The following NPHS2 variants were observed in gnomAD, a reference collection of about 807,000 sequenced individuals.
NPHS2 encodes the protein podocin.
A neutral mutation model predicts 37.1 loss-of-function variants in NPHS2; 36 were observed. The observed-to-expected ratio is 0.97, with a 90% CI of 0.74 to 1.28. The LOEUF (loss-of-function observed/expected upper bound fraction) is 1.28. Ranked by LOEUF, NPHS2 falls within the 50% of genes most tolerant of loss-of-function variation. The pLI is 0.00. For missense variants in NPHS2, 447 were observed against 488.1 expected (o/e 0.92, Z 0.79); for synonymous variants, 196 against 189.3 (o/e 1.04, Z -0.29).
chr1:179,555,690 C>T (rs186762633), intron 5 of NPHS2, among the ~76,000 whole-genome samples: 28 of 152,280 alleles, frequency 1.8e-4, no homozygotes, highest in Admixed American at 1.8e-3. Flanking sequence ...GCAGAAGATA[C>T]AGCCCAAGAG....
intron 3 of NPHS2, among the ~76,000 whole-genome samples, chr1:179,560,274 A>C (rs887740262): frequency 1.3e-5 from 2 of 152,196 alleles, no homozygotes; most frequent in African/African-American, 4.8e-5. Flanking sequence ...TTGGCTAGTT[A>C]GTCCTCACCC....
chr1:179,575,595 C>T lies in NPHS2; in HGVS notation c.270G>A (p.Glu90=), dbSNP rs1674727819. The T allele has an allele frequency of 6.2e-7, 1 of 1,601,536 alleles. No individual in the cohort carries two copies. The highest frequency in any genetic ancestry group is 1.1e-5 in the South Asian group (1 of 91,060). Residue 90 remains glutamate (E), a synonymous_variant, in exon 1 of 8, where the codon GAG becomes GAA. Transcript: ENST00000367615. ...VVALLESERP[E]EGTKSSGLGA... is the part of the protein sequence containing the mutation. ...ATAGTGGTGCTGAATCCGTACCTTC[C>T]TCGGGCCGCTCGCTCTCCAACAGCG... is the stretch of plus-strand genomic sequence containing the variant.
At chr1:179,551,694 A>G in intron 7 of NPHS2, 1 of 516,860 alleles carries the variant, frequency 1.9e-6, no homozygotes, top group Non-Finnish European at 3.5e-6. Context: ...GTATTAGGGG[A>G]GTTATTAGCA....
At chr1:179,554,379 G>T in intron 6 of NPHS2, 97 bp downstream of exon 6, 1 of 1,413,850 alleles carries the variant, frequency 7.1e-7, no homozygotes, top group Non-Finnish European at 1.0e-6. Context: ...TATGGCTATA[G>T]TACTCAGTGA....
Position 179,575,848 on chromosome 1 carries a change from C to G in NPHS2, c.17G>C (p.Arg6Pro). The G allele has an allele frequency of 7.0e-7, 1 of 1,427,140 alleles. No homozygotes were observed. The highest frequency in any genetic ancestry group is 1.9e-4 in the Middle Eastern group (1 of 5,178). The allele number at this position is 1,427,140 out of a possible 1,614,324, so 88.4% of individuals were successfully genotyped here. The part of the protein sequence containing the change: MERRA[R>P]SSSRESRGRG... ...CCCGCGGGACTCCCTGGAGGAGCTC[C>G]GCGCCCTCCTCTCCATCCTCAGAGC... is the stretch of plus-strand genomic sequence containing the variant. The change falls in exon 1 of 8, where the codon CGG becomes CCG. Residue 6 changes from arginine to proline, a missense_variant. Transcript: ENST00000367615.
intron 1 of NPHS2, among the ~76,000 whole-genome samples, chr1:179,569,926 G>C (rs1674487458): frequency 1.3e-5 from 2 of 152,178 alleles, no homozygotes; most frequent in Admixed American, 6.5e-5. Flanking sequence ...TTAGTCTAAT[G>C]GGCTTCCTTT....
Position 179,564,789 on chromosome 1 carries a change from G to T in NPHS2, c.279C>A (p.Thr93=). 6.2e-7 allele frequency: 1 copy of T among 1,613,118 alleles called. No homozygotes were observed. Among genetic ancestry groups the T allele is most frequent in the African/African-American group, 1.3e-5 (1 of 75,002 alleles). ...CACAGGCCCCTAAGCCGGAGGATTTGGTACCTTAAAAAAATTAAAGCAAAA... is the reference window on the plus strand; with the variant it reads ...CACAGGCCCCTAAGCCGGAGGATTTTGTACCTTAAAAAAATTAAAGCAAAA... ...LLESERPEEG[T]KSSGLGACEW... Residue 93 remains threonine (T), a synonymous_variant, in exon 2 of 8, where the codon ACC becomes ACA. Transcript: ENST00000367615.
rs1376724226 is a variant in NPHS2 at position 179,564,790 on chromosome 1, G to A, written c.278C>T (p.Thr93Ile). ...LLESERPEEG[T>I]KSSGLGACEW... ...ACAGGCCCCTAAGCCGGAGGATTTGGTACCTTAAAAAAATTAAAGCAAAAG... is the reference window on the plus strand; with the variant it reads ...ACAGGCCCCTAAGCCGGAGGATTTGATACCTTAAAAAAATTAAAGCAAAAG... The change falls in exon 2 of 8, where the codon ACC becomes ATC. Residue 93 changes from threonine (T) to isoleucine (I), a missense_variant. Physicochemically the swap from Thr to Ile is moderately conservative, Grantham distance 89 (BLOSUM62 -1). Coordinates refer to ENST00000367615, the MANE Select transcript of NPHS2 (RefSeq NM_014625.4). The A allele has an allele frequency of 1.2e-6, 2 of 1,612,880 alleles. No homozygotes were observed. The highest frequency in any genetic ancestry group is 1.7e-6 in the Non-Finnish European group (2 of 1,179,044).
intron 1 of NPHS2, among the ~76,000 whole-genome samples, chr1:179,565,102 C>A (rs1234527047): frequency 6.6e-6 from 1 of 151,652 alleles, no homozygotes; most frequent in Non-Finnish European, 1.5e-5. Context: ...GAGATCCTGT[C>A]TGTACAAAAA....
chr1:179,558,567 C>A (rs1391094722), intron 4 of NPHS2, among the ~76,000 whole-genome samples: 1 of 152,052 alleles, frequency 6.6e-6, no homozygotes, highest in African/African-American at 2.4e-5. Context: ...TTCTTTAAGA[C>A]CCTACTTTCA....
intron 1 of NPHS2, among the ~76,000 whole-genome samples, chr1:179,569,353 T>A (rs548605506): frequency 3.8e-4 from 57 of 151,308 alleles, no homozygotes; most frequent in Non-Finnish European, 7.5e-4. Flanking sequence ...TATCAGAGAC[T>A]AGGATTGCAA....
At position 179,575,763 on chromosome 1, in the gene NPHS2, T is replaced by C. The variant is rs1079292; in HGVS notation, c.102A>G (p.Gly34=). Residue 34 remains glycine, a synonymous_variant, in exon 1 of 8, where the codon GGA becomes GGG. Coordinates refer to ENST00000367615, the MANE Select transcript of NPHS2 (RefSeq NM_014625.4). ...NKRAKAERSG[G]GRGRQEAGPE... is the part of the protein sequence containing the mutation. ...GCCCAGCCTCCTGGCGCCCGCGGCCTCCGCCGCTCCTCTCGGCCTTTGCCC... is the reference window on the plus strand; with the variant it reads ...GCCCAGCCTCCTGGCGCCCGCGGCCCCCGCCGCTCCTCTCGGCCTTTGCCC... 1,471,105 of 1,496,666 alleles carry C rather than the reference T, an allele frequency of 0.98. 723,969 individuals carry two copies. Among genetic ancestry groups the C allele is most frequent in the Non-Finnish European group, 0.99 (1,122,591 of 1,129,186 alleles). 92.7% of individuals were successfully genotyped at this position (1,496,666 alleles called of 1,614,324 possible). A position where few individuals can be genotyped will look rare whatever the true frequency, so the allele number is the denominator to read the frequency against.
chr1:179,561,233 G>A (rs1160157768), intron 3 of NPHS2, 56 bp downstream of exon 3: 1 of 1,233,594 alleles, frequency 8.1e-7, no homozygotes, highest in Non-Finnish European at 1.2e-6. Context: ...TGCATGGGTT[G>A]AAGAAATTGG....
At chr1:179,552,283 A>G in intron 7 of NPHS2, 1 of 411,022 alleles carries the variant, frequency 2.4e-6, no homozygotes, top group Non-Finnish European at 4.6e-6. Flanking sequence ...TAGGGTGACT[A>G]CGATTACCCA....
intron 4 of NPHS2, 52 bp from the exon 5 acceptor site, chr1:179,557,282 A>G (rs1446016323): frequency 6.9e-7 from 1 of 1,453,192 alleles, no homozygotes; most frequent in Non-Finnish European, 9.7e-7. Context: ...CTCCTTTCCT[A>G]TGTGGGGTTA....
chr1:179,560,868 A>G (rs1404178034), intron 3 of NPHS2, among the ~76,000 whole-genome samples: 1 of 152,186 alleles, frequency 6.6e-6, no homozygotes, highest in Non-Finnish European at 1.5e-5. Context: ...TTAAATCCCT[A>G]TAACTGAAGA....
At chr1:179,570,136 G>A (rs1475527641) in intron 1 of NPHS2, among the ~76,000 whole-genome samples, 1 of 152,182 alleles carries the variant, frequency 6.6e-6, no homozygotes, top group Non-Finnish European at 1.5e-5. Context: ...CCTGAAGAGT[G>A]TTTTGCAACT....
intron 1 of NPHS2, among the ~76,000 whole-genome samples, chr1:179,566,053 C>T (rs958935350): frequency 5.3e-5 from 8 of 151,962 alleles, no homozygotes; most frequent in African/African-American, 1.9e-4. Flanking sequence ...TTTATAGTAG[C>T]ATGATTTATA....
chr1:179,572,275 C>G (rs1423142867), intron 1 of NPHS2, among the ~76,000 whole-genome samples: 1 of 152,212 alleles, frequency 6.6e-6, no homozygotes, highest in Non-Finnish European at 1.5e-5. Context: ...CCATTCATTA[C>G]AAGCCTTAAT....
Sources: gnomAD v4.1 joint callset for allele counts (sites outside exome capture counted in the v4.1 genomes callset) on GRCh38, gnomAD v4.1.1 for gene constraint, MANE v1.5 for transcripts, NCBI Gene and HGNC (gene_info 2026-07-23, HGNC 2026-07-21) for gene names.